The following CFAP95 variants were observed in gnomAD, a reference collection of about 807,000 sequenced individuals.
CFAP95 encodes cilia and flagella associated protein 95.
chr9:69,844,706 T>G, the CFAP95 span: 1 of 978,076 alleles, frequency 1.0e-6, no homozygotes, highest in Non-Finnish European at 1.6e-6. Context: ...AGGAGTGTTT[T>G]GTGCAGCACC....
At chr9:69,858,689 G>C in the CFAP95 span, among the ~76,000 whole-genome samples, 1 of 152,146 alleles carries the variant, frequency 6.6e-6, no homozygotes, top group South Asian at 2.1e-4. Flanking sequence ...TGTGACCAGA[G>C]GCTTGCAGGA....
At chr9:69,868,652 ACT>A in the CFAP95 span, among the ~76,000 whole-genome samples, 2 of 131,170 alleles carry the variant, frequency 1.5e-5, no homozygotes, top group Admixed American at 8.3e-5. Context: ...AGTGAGTGAG[ACT>A]CTGTCTCCAA....
the CFAP95 span, among the ~76,000 whole-genome samples, chr9:69,826,906 G>A: frequency 3.3e-5 from 5 of 152,126 alleles, no homozygotes; most frequent in African/African-American, 1.2e-4. Flanking sequence ...ATTTTAATGA[G>A]GCCTTGAAGT....
At chr9:69,837,172 A>C in the CFAP95 span, among the ~76,000 whole-genome samples, 1 of 152,184 alleles carries the variant, frequency 6.6e-6, no homozygotes, top group Non-Finnish European at 1.5e-5. Context: ...GCTATTGTGA[A>C]TAATGCCGCA....
chr9:69,885,769 A>C, the CFAP95 span, among the ~76,000 whole-genome samples: 1 of 152,132 alleles, frequency 6.6e-6, no homozygotes, highest in Non-Finnish European at 1.5e-5. Flanking sequence ...TGGGTCAAAA[A>C]GTTCATAGAG....
chr9:69,820,826 G>C, the CFAP95 span: 1 of 1,557,238 alleles, frequency 6.4e-7, no homozygotes. Flanking sequence ...CGTTCCTGCC[G>C]GGCAGGACAG....
the CFAP95 span, among the ~76,000 whole-genome samples, chr9:69,856,257 C>A: frequency 2.6e-5 from 4 of 151,932 alleles, no homozygotes; most frequent in African/African-American, 9.7e-5. Flanking sequence ...ATATACCAAC[C>A]CTGAAAAGGA....
the CFAP95 span, among the ~76,000 whole-genome samples, chr9:69,903,164 G>C: frequency 7.9e-5 from 12 of 152,296 alleles, no homozygotes; most frequent in African/African-American, 2.4e-4. Flanking sequence ...TGTCATGCTA[G>C]ATTGGTTATA....
the CFAP95 span, chr9:69,856,451 G>A: frequency 1.7e-6 from 1 of 594,860 alleles, no homozygotes; most frequent in Non-Finnish European, 2.9e-6. Context: ...GTCAACTAGA[G>A]TCAACAATTA....
chr9:69,837,515 T>G, the CFAP95 span, among the ~76,000 whole-genome samples: 1 of 152,364 alleles, frequency 6.6e-6, no homozygotes, highest in South Asian at 2.1e-4. Context: ...GTCTTTTGGC[T>G]GCATAAATGT....
the CFAP95 span, among the ~76,000 whole-genome samples, chr9:69,874,459 G>A: frequency 3.3e-4 from 50 of 152,044 alleles, no homozygotes; most frequent in Non-Finnish European, 6.0e-4. Flanking sequence ...GGATTCTTTC[G>A]GTTGTAAGGA....
chr9:69,874,974 C>G, the CFAP95 span, among the ~76,000 whole-genome samples: 1 of 152,204 alleles, frequency 6.6e-6, no homozygotes, highest in South Asian at 2.1e-4. Flanking sequence ...ATACCTCTTC[C>G]CCAAGACAAT....
the CFAP95 span, among the ~76,000 whole-genome samples, chr9:69,861,479 T>C: frequency 6.6e-6 from 1 of 152,088 alleles, no homozygotes; most frequent in African/African-American, 2.4e-5. Flanking sequence ...TGTTTTTGAT[T>C]AAGGACTCTC....
the CFAP95 span, among the ~76,000 whole-genome samples, chr9:69,897,683 G>A: frequency 6.6e-6 from 1 of 152,186 alleles, no homozygotes; most frequent in Non-Finnish European, 1.5e-5. Flanking sequence ...ACCGAAAAAA[G>A]GTGCAGGAGA....
At chr9:69,891,481 C>T in the CFAP95 span, among the ~76,000 whole-genome samples, 10 of 148,822 alleles carry the variant, frequency 6.7e-5, no homozygotes, top group Non-Finnish European at 8.9e-5. Context: ...AAAAGTAATC[C>T]GAGTTAGACT....
chr9:69,866,137 A>T, the CFAP95 span, among the ~76,000 whole-genome samples: 984 of 152,302 alleles, frequency 6.5e-3, 11 homozygotes, highest in African/African-American at 0.022. Context: ...CCTGAACATC[A>T]CTTGTCTTTG....
chr9:69,842,172 G>A, the CFAP95 span, among the ~76,000 whole-genome samples: 1 of 152,296 alleles, frequency 6.6e-6, no homozygotes, highest in Admixed American at 6.5e-5. Context: ...GACACTAGAA[G>A]GTGTCTGGTG....
the CFAP95 span, among the ~76,000 whole-genome samples, chr9:69,829,495 C>T: frequency 6.6e-6 from 1 of 152,286 alleles, no homozygotes; most frequent in Non-Finnish European, 1.5e-5. Context: ...ACCACACGGG[C>T]AAACTTGGAT....
At chr9:69,820,946 C>A in the CFAP95 span, 1 of 1,614,076 alleles carries the variant, frequency 6.2e-7, no homozygotes, top group Non-Finnish European at 8.5e-7. Flanking sequence ...GGAGATCGGA[C>A]CACCGGACTT....
Sources: allele counts gnomAD v4.1 joint callset (sites outside exome capture counted in the v4.1 genomes callset), GRCh38; gene constraint gnomAD v4.1.1; transcripts MANE v1.5; gene names NCBI Gene and HGNC (gene_info 2026-07-23, HGNC 2026-07-21).